The following NKAIN2 variants were observed in gnomAD, a reference collection of about 807,000 sequenced individuals.
NKAIN2 encodes the protein sodium/potassium transporting ATPase interacting 2.
NKAIN2 carries 14 observed loss-of-function variants against 32.6 expected under a neutral mutation model. That is an observed-to-expected ratio of 0.43 (90% CI 0.28 to 0.67). The LOEUF is 0.67. Ranked by LOEUF, NKAIN2 falls within the 30% of genes least tolerant of loss-of-function variation. The pLI is 0.17. For missense variants in NKAIN2, 198 were observed against 258.3 expected (o/e 0.77, Z 1.60); for synonymous variants, 80 against 87.2 (o/e 0.92, Z 0.46).
At chr6:124,765,023 C>T (rs1778448385) in intron 4 of NKAIN2, among the ~76,000 whole-genome samples, 2 of 152,032 alleles carry the variant, frequency 1.3e-5, no homozygotes, top group Admixed American at 6.5e-5. Flanking sequence ...TATATTGTTT[C>T]CACTTAAGCA....
At chr6:124,309,076 G>A (rs1344947521) in intron 2 of NKAIN2, among the ~76,000 whole-genome samples, 27 of 152,034 alleles carry the variant, frequency 1.8e-4, no homozygotes. Flanking sequence ...GTTTTGATCT[G>A]GTTTGTTTCT....
intron 3 of NKAIN2, among the ~76,000 whole-genome samples, chr6:124,522,092 G>T (rs887511589): frequency 2.6e-5 from 4 of 151,898 alleles, no homozygotes; most frequent in Admixed American, 6.6e-5. Flanking sequence ...CAATTCACTT[G>T]CTTGTGATGG....
intron 1 of NKAIN2, among the ~76,000 whole-genome samples, chr6:123,947,691 C>A (rs958764047): frequency 1.3e-5 from 2 of 152,074 alleles, no homozygotes; most frequent in African/African-American, 4.8e-5. Context: ...ATAGACTGTG[C>A]AGTGATTAAG....
intron 1 of NKAIN2, among the ~76,000 whole-genome samples, chr6:124,198,494 C>G (rs940782726): frequency 6.6e-6 from 1 of 151,448 alleles, no homozygotes; most frequent in Non-Finnish European, 1.5e-5. Context: ...GAGAGTTTCT[C>G]TTCTTCTCTA....
chr6:123,911,778 C>CATATATATGTATATATATATATGTATAT (rs1775189103), intron 1 of NKAIN2, among the ~76,000 whole-genome samples: 1 of 75,980 alleles, frequency 1.3e-5, no homozygotes, highest in Non-Finnish European at 2.5e-5. Context: ...TATATACATA[C>CATATATATGTATATATATATATGTATAT]ATACATATAT....
chr6:123,981,411 A>G lies in NKAIN2; in HGVS notation c.54+177157A>G, dbSNP rs571066883. On this transcript the variant is annotated intron_variant, in intron 1 of 6. Coordinates refer to ENST00000368417, the MANE Select transcript of NKAIN2 (RefSeq NM_001040214.3). The stretch of plus-strand genomic sequence containing the variant: ...GAACCTTTCAGACGAGGAAAAACAG[A>G]ACATTTTCCAGGGAGTTCTTGTACA... Among the ~76,000 whole-genome samples, 28 of 152,314 alleles carry G rather than the reference A, an allele frequency of 1.8e-4. 1 individual carries two copies. The South Asian group carries it at 3.5e-3, about 19-fold the overall frequency.
chr6:123,853,245 G>T (rs907415264), intron 1 of NKAIN2, among the ~76,000 whole-genome samples: 14 of 152,120 alleles, frequency 9.2e-5, no homozygotes, highest in African/African-American at 3.1e-4. Context: ...TAAGAAAAAA[G>T]ATCTTTCTTC....
At chr6:124,299,544 A>G (rs1436810396) in intron 2 of NKAIN2, among the ~76,000 whole-genome samples, 1 of 152,200 alleles carries the variant, frequency 6.6e-6, no homozygotes, top group Non-Finnish European at 1.5e-5. Context: ...TTATTGCAAT[A>G]AGGAAGATAA....
At chr6:123,911,808 TATATACACAC>T (rs1295705936) in intron 1 of NKAIN2, among the ~76,000 whole-genome samples, 1 of 101,342 alleles carries the variant, frequency 9.9e-6, no homozygotes, top group Non-Finnish European at 1.9e-5. Flanking sequence ...TATGTATATA[TATATACACAC>T]ACACACACAC....
intron 1 of NKAIN2, among the ~76,000 whole-genome samples, chr6:123,862,368 A>C (rs193211860): frequency 1.3e-5 from 2 of 152,224 alleles, no homozygotes; most frequent in East Asian, 3.9e-4. Flanking sequence ...GCTCTTGCCC[A>C]TGTTATCATT....
rs140200222 is a variant in NKAIN2 at position 124,261,766 on chromosome 6, A to G, written c.55-21239A>G. ...TCCCAGCTACTCGGGAGGCTGAGGC[A>G]GGAGAATTTCTTGAATCCGGGAGGC... On this transcript the variant is annotated intron_variant, in intron 1 of 6. Transcript: ENST00000368417. Among the ~76,000 whole-genome samples the G allele has an allele frequency of 5.9e-3, 891 of 151,962 alleles. 7 individuals carry two copies. The highest frequency in any genetic ancestry group is 0.021 in the African/African-American group (859 of 41,442).
rs1011198394 is a variant in NKAIN2 at position 124,198,035 on chromosome 6, C to A, written c.55-84970C>A. The stretch of plus-strand genomic sequence containing the variant: ...TTGAGTGACTCTGTTCAGAAATTAA[C>A]TGGGTTTGGGATTTTTCATTGCTGT... On this transcript the variant is annotated intron_variant, in intron 1 of 6. Transcript: ENST00000368417. Among the ~76,000 whole-genome samples the A allele has an allele frequency of 2.6e-5, 4 of 151,984 alleles. No homozygotes were observed. The East Asian group carries it at 7.8e-4, about 29-fold the overall frequency.
chr6:124,466,382 T>C (rs139974574), intron 3 of NKAIN2, among the ~76,000 whole-genome samples: 115 of 152,246 alleles, frequency 7.6e-4, no homozygotes, highest in African/African-American at 2.4e-3. Context: ...ATTTTTTTAA[T>C]TCAGTAATTC....
intron 3 of NKAIN2, among the ~76,000 whole-genome samples, chr6:124,602,772 C>A (rs751322865): frequency 1.3e-5 from 2 of 151,802 alleles, no homozygotes; most frequent in Non-Finnish European, 2.9e-5. Context: ...CTTGTATGTT[C>A]TTCTTTACCT....
At chr6:124,307,305 A>C (rs966185447) in intron 2 of NKAIN2, among the ~76,000 whole-genome samples, 8 of 152,152 alleles carry the variant, frequency 5.3e-5, no homozygotes, top group African/African-American at 1.9e-4. Flanking sequence ...AAATAGATAA[A>C]ATTTCTTGAA....
chr6:124,049,994 A>G (rs565391332), intron 1 of NKAIN2, among the ~76,000 whole-genome samples: 42 of 152,010 alleles, frequency 2.8e-4, no homozygotes, highest in Non-Finnish European at 4.3e-4. Context: ...TCTAAGATCT[A>G]TGGTAAGAAC....
At chr6:124,644,423 G>A (rs77102599) in intron 3 of NKAIN2, among the ~76,000 whole-genome samples, 1 of 102,326 alleles carries the variant, frequency 9.8e-6, no homozygotes, top group Admixed American at 1.1e-4. Flanking sequence ...TTTTTTTTTT[G>A]AGACATAGTC....
intron 1 of NKAIN2, among the ~76,000 whole-genome samples, chr6:124,136,471 A>G (rs574897107): frequency 2.6e-5 from 4 of 152,150 alleles, no homozygotes; most frequent in Non-Finnish European, 5.9e-5. Flanking sequence ...ATTCCAAAAG[A>G]TGGGGATAGA....
At chr6:124,670,223 G>A (rs918260200) in intron 4 of NKAIN2, among the ~76,000 whole-genome samples, 10 of 151,900 alleles carry the variant, frequency 6.6e-5, no homozygotes, top group African/African-American at 1.5e-4. Flanking sequence ...TCATCCATTC[G>A]ATTATAAAAC....
Sources: gnomAD v4.1 joint callset for allele counts (sites outside exome capture counted in the v4.1 genomes callset) on GRCh38, gnomAD v4.1.1 for gene constraint, MANE v1.5 for transcripts, NCBI Gene and HGNC (gene_info 2026-07-23, HGNC 2026-07-21) for gene names.